The following METTL15 variants were observed in gnomAD, a reference collection of about 807,000 sequenced individuals.
METTL15 encodes 12S rRNA N(4)-cytidine methyltransferase METTL15.
In METTL15, 34 loss-of-function variants were observed where a neutral mutation model predicts 38.3. That is an observed-to-expected ratio of 0.89 (90% CI 0.68 to 1.18). METTL15 has a LOEUF of 1.18. Ranked by LOEUF, METTL15 falls within the 50% of genes most tolerant of loss-of-function variation. The probability of loss-of-function intolerance (pLI) is 0.00; values close to 1 mark genes in which losing one functional copy is unlikely to be tolerated. For missense variants in METTL15, 438 were observed against 498.4 expected (o/e 0.88, Z 1.15); for synonymous variants, 162 against 170.9 (o/e 0.95, Z 0.41).
chr11:28,263,981 A>G (rs544938168), intron 4 of METTL15, among the ~76,000 whole-genome samples: 2 of 152,206 alleles, frequency 1.3e-5, no homozygotes, highest in East Asian at 3.9e-4. Context: ...GCTCAGCCCA[A>G]TGCTACACAT....
chr11:28,308,892 G>GA (rs1555031564), intron 6 of METTL15, among the ~76,000 whole-genome samples: 48 of 146,998 alleles, frequency 3.3e-4, no homozygotes, highest in Non-Finnish European at 5.2e-4. Context: ...AGGTAGGTAG[G>GA]TAGATAGATA....
chr11:28,440,233 C>G (rs190463225), intron 6 of METTL15, among the ~76,000 whole-genome samples: 149 of 151,970 alleles, frequency 9.8e-4, no homozygotes, highest in African/African-American at 1.8e-3. Context: ...GAACTAAGAC[C>G]TAGAGGAGAA....
chr11:28,514,759 T>A (rs1172815347), intron 6 of METTL15, among the ~76,000 whole-genome samples: 2 of 152,224 alleles, frequency 1.3e-5, no homozygotes, highest in African/African-American at 4.8e-5. Context: ...TAGGCTGAGA[T>A]AGCTTTGTAA....
At chr11:28,384,476 T>C (rs1282121337) in intron 5 of METTL15, among the ~76,000 whole-genome samples, 1 of 151,830 alleles carries the variant, frequency 6.6e-6, no homozygotes, top group Non-Finnish European at 1.5e-5. Flanking sequence ...ACCCGGCTAA[T>C]TTTTTTTATT....
intron 6 of METTL15, among the ~76,000 whole-genome samples, chr11:28,511,470 T>C (rs1282317632): frequency 6.6e-6 from 1 of 152,178 alleles, no homozygotes; most frequent in African/African-American, 2.4e-5. Flanking sequence ...AATGAAGCTG[T>C]GGACCCTCGC....
chr11:28,402,741 A>G (rs1850640911), intron 5 of METTL15, among the ~76,000 whole-genome samples: 1 of 151,906 alleles, frequency 6.6e-6, no homozygotes, highest in Non-Finnish European at 1.5e-5. Context: ...ACGTGAATAT[A>G]TTGCTTAGTG....
intron 4 of METTL15, among the ~76,000 whole-genome samples, chr11:28,286,730 C>G (rs79835568): frequency 6.6e-6 from 1 of 151,954 alleles, no homozygotes; most frequent in South Asian, 2.1e-4. Context: ...TTATGTGTTC[C>G]TTAACTTCTG....
chr11:28,424,900 G>A (rs538180518), intron 6 of METTL15, among the ~76,000 whole-genome samples: 12 of 152,294 alleles, frequency 7.9e-5, no homozygotes, highest in East Asian at 1.9e-4. Flanking sequence ...AGCAGAAAAC[G>A]TATGTTTACA....
At chr11:28,403,973 T>C (rs1392916445) in intron 5 of METTL15, among the ~76,000 whole-genome samples, 2 of 152,030 alleles carry the variant, frequency 1.3e-5, no homozygotes, top group Non-Finnish European at 2.9e-5. Context: ...TGATGATGGG[T>C]AAATTACTGT....
intron 5 of METTL15, among the ~76,000 whole-genome samples, chr11:28,374,678 C>A (rs1175192670): frequency 6.6e-6 from 1 of 150,526 alleles, no homozygotes; most frequent in Admixed American, 6.7e-5. Flanking sequence ...GCCTAATTGC[C>A]CTGGCCAGAA....
intron 6 of METTL15, among the ~76,000 whole-genome samples, chr11:28,322,033 A>C (rs1250338330): frequency 6.6e-6 from 1 of 152,026 alleles, no homozygotes; most frequent in Non-Finnish European, 1.5e-5. Context: ...ATACTAAAAA[A>C]CAAATTTTGT....
At chr11:28,465,715 C>G (rs571918948) in intron 6 of METTL15, among the ~76,000 whole-genome samples, 1 of 152,266 alleles carries the variant, frequency 6.6e-6, no homozygotes, top group East Asian at 1.9e-4. Context: ...ATCTGTTTCT[C>G]TCCTGATTTA....
At chr11:28,416,897 G>A (rs1378980405) in intron 5 of METTL15, among the ~76,000 whole-genome samples, 1 of 152,180 alleles carries the variant, frequency 6.6e-6, no homozygotes, top group Non-Finnish European at 1.5e-5. Context: ...CAAATTAGAT[G>A]TAGATTGAAA....
At chr11:28,210,645 A>G (rs1056735942) in intron 3 of METTL15, among the ~76,000 whole-genome samples, 3 of 151,820 alleles carry the variant, frequency 2.0e-5, no homozygotes, top group African/African-American at 4.8e-5. Flanking sequence ...TATCATTTTC[A>G]TAGAAAGCTT....
At chr11:28,373,886 C>T (rs1850274562) in intron 5 of METTL15, among the ~76,000 whole-genome samples, 1 of 152,122 alleles carries the variant, frequency 6.6e-6, no homozygotes, top group Non-Finnish European at 1.5e-5. Context: ...CTACATATGG[C>T]TAGCCAGTTT....
In METTL15 at chr11:28,322,827, G is replaced by A. The variant is rs183985934; in HGVS notation, c.779-7569G>A. ...AAACCATCCTAAATGTTCCTGCTGC[G>A]GTGACAATGTGAGCTCCACAAGAGA... is the stretch of plus-strand genomic sequence containing the variant. On this transcript the variant is annotated intron_variant, in intron 6 of 6. Coordinates refer to ENST00000407364, the MANE Select transcript of METTL15 (RefSeq NM_001113528.2). Among the ~76,000 whole-genome samples, 510 of 152,188 alleles carry A rather than the reference G, an allele frequency of 3.4e-3. 5 individuals are homozygous for A. Among genetic ancestry groups the A allele is most frequent in the African/African-American group, 0.012 (484 of 41,538 alleles).
chr11:28,445,617 A>T (rs960289971), intron 6 of METTL15, among the ~76,000 whole-genome samples: 1 of 152,040 alleles, frequency 6.6e-6, no homozygotes, highest in Non-Finnish European at 1.5e-5. Context: ...GTTTTACATG[A>T]TATTGGCATT....
intron 3 of METTL15, among the ~76,000 whole-genome samples, chr11:28,173,088 A>G (rs930264573): frequency 1.3e-5 from 2 of 152,182 alleles, no homozygotes; most frequent in South Asian, 4.2e-4. Flanking sequence ...TTTATTTTTT[A>G]AAAAAAGAGA....
intron 4 of METTL15, among the ~76,000 whole-genome samples, chr11:28,257,088 A>G (rs1855002707): frequency 6.6e-6 from 1 of 152,120 alleles, no homozygotes; most frequent in African/African-American, 2.4e-5. Context: ...TCTGGTGTTC[A>G]TGGAATCCTT....
Sources: allele counts gnomAD v4.1 joint callset (sites outside exome capture counted in the v4.1 genomes callset), GRCh38; gene constraint gnomAD v4.1.1; transcripts MANE v1.5; gene names NCBI Gene and HGNC (gene_info 2026-07-23, HGNC 2026-07-21).